Variants in RABGAP1L observed in about 807,000 individuals in gnomAD.
RABGAP1L encodes RAB GTPase activating protein 1 like, also known as rab GTPase-activating protein 1-like.
A neutral mutation model predicts 137.7 loss-of-function variants in RABGAP1L; 63 were observed. That is an observed-to-expected ratio of 0.46 (90% CI 0.37 to 0.56). RABGAP1L has a LOEUF of 0.56. RABGAP1L is among the 20% of genes least tolerant of loss of function. The probability of loss-of-function intolerance (pLI) is 0.00; values close to 1 mark genes in which losing one functional copy is unlikely to be tolerated. For missense variants in RABGAP1L, 1,095 were observed against 1,244.0 expected (o/e 0.88, Z 1.80); for synonymous variants, 431 against 433.7 (o/e 0.99, Z 0.08).
chr1:174,840,956 T>A (rs573223266), intron 19 of RABGAP1L, among the ~76,000 whole-genome samples: 1 of 151,868 alleles, frequency 6.6e-6, no homozygotes, highest in East Asian at 1.9e-4. Context: ...TTGAATTTAG[T>A]GGAAAAGTTT....
intron 13 of RABGAP1L, among the ~76,000 whole-genome samples, chr1:174,434,879 A>ACTC (rs1161854137): frequency 6.7e-6 from 1 of 150,240 alleles, no homozygotes; most frequent in African/African-American, 2.5e-5. Flanking sequence ...TTTGGATGCA[A>ACTC]CTCCTTTGTT....
At chr1:174,183,729 A>G (rs527665476) in intron 1 of RABGAP1L, among the ~76,000 whole-genome samples, 1 of 152,246 alleles carries the variant, frequency 6.6e-6, no homozygotes, top group Admixed American at 6.5e-5. Context: ...ATCATATGGA[A>G]TGGTTTCACT....
chr1:174,288,043 A>G (rs1676227091), intron 10 of RABGAP1L, among the ~76,000 whole-genome samples: 1 of 152,076 alleles, frequency 6.6e-6, no homozygotes, highest in Non-Finnish European at 1.5e-5. Context: ...AAATATAATT[A>G]TTACATGTTA....
chr1:174,775,333 G>T, intron 18 of RABGAP1L, among the ~76,000 whole-genome samples: 1 of 144,292 alleles, frequency 6.9e-6, no homozygotes, highest in Admixed American at 7.0e-5. Flanking sequence ...TTTTTTTTGA[G>T]ACTGAGTTTC....
At chr1:174,323,704 T>A (rs2148835631) in intron 11 of RABGAP1L, among the ~76,000 whole-genome samples, 1 of 152,256 alleles carries the variant, frequency 6.6e-6, no homozygotes, top group East Asian at 1.9e-4. Context: ...TAGATTATTT[T>A]AAATTATGTC....
intron 18 of RABGAP1L, among the ~76,000 whole-genome samples, chr1:174,754,445 A>G (rs892725078): frequency 3.9e-5 from 6 of 152,140 alleles, no homozygotes; most frequent in Admixed American, 1.3e-4. Flanking sequence ...TCAAAATTAA[A>G]AACTTTGGAG....
chr1:174,515,145 T>C (rs1662704348), intron 13 of RABGAP1L, among the ~76,000 whole-genome samples: 2 of 152,202 alleles, frequency 1.3e-5, no homozygotes, highest in South Asian at 4.1e-4. Context: ...CATGGTTTTG[T>C]ACAACAGATC....
chr1:174,583,439 A>G (rs906780649), intron 13 of RABGAP1L, among the ~76,000 whole-genome samples: 1 of 152,056 alleles, frequency 6.6e-6, no homozygotes, highest in Admixed American at 6.6e-5. Context: ...CTCCCCATAC[A>G]TATATGTATG....
At chr1:174,277,091 T>C (rs956470104) in intron 9 of RABGAP1L, among the ~76,000 whole-genome samples, 13 of 152,272 alleles carry the variant, frequency 8.5e-5, no homozygotes, top group Admixed American at 7.9e-4. Context: ...AATATGTTAA[T>C]GAAGGGCATT....
intron 3 of RABGAP1L, among the ~76,000 whole-genome samples, chr1:174,222,674 G>A (rs1669849863): frequency 1.3e-5 from 2 of 152,228 alleles, no homozygotes; most frequent in East Asian, 3.9e-4. Context: ...ATTGAAACAG[G>A]AGCAGTTAGG....
chr1:174,380,990 C>T (rs913794245), intron 12 of RABGAP1L, among the ~76,000 whole-genome samples: 3 of 110,440 alleles, frequency 2.7e-5, no homozygotes, highest in Non-Finnish European at 5.5e-5. Flanking sequence ...TATGTGGTGT[C>T]TTTGTTCTCG....
At chr1:174,310,029 CCAGTG>C (rs1678672213) in intron 11 of RABGAP1L, among the ~76,000 whole-genome samples, 1 of 134,894 alleles carries the variant, frequency 7.4e-6, no homozygotes, top group African/African-American at 3.9e-5. Flanking sequence ...TATTACTGAT[CCAGTG>C]TTATTACTCA....
chr1:174,457,024 T>C (rs1250024560), intron 13 of RABGAP1L, among the ~76,000 whole-genome samples: 2 of 152,194 alleles, frequency 1.3e-5, no homozygotes, highest in Admixed American at 6.5e-5. Flanking sequence ...TAAGAGTAAC[T>C]CATTGAATTG....
intron 14 of RABGAP1L, among the ~76,000 whole-genome samples, chr1:174,645,876 CCT>C (rs1674928590): frequency 6.6e-6 from 1 of 152,108 alleles, no homozygotes; most frequent in African/African-American, 2.4e-5. Context: ...TCTGTTGTTT[CCT>C]GACTTTTTAA....
intron 11 of RABGAP1L, among the ~76,000 whole-genome samples, chr1:174,325,464 A>G (rs540777204): frequency 7.2e-5 from 11 of 152,250 alleles, no homozygotes; most frequent in Non-Finnish European, 1.6e-4. Context: ...GAACCTGAAC[A>G]TGCAACCAAG....
chr1:174,191,611 C>A (rs1273397405), intron 1 of RABGAP1L, among the ~76,000 whole-genome samples: 1 of 152,198 alleles, frequency 6.6e-6, no homozygotes, highest in Non-Finnish European at 1.5e-5. Flanking sequence ...ATAGTAGCTG[C>A]TAATTAAACA....
intron 18 of RABGAP1L, among the ~76,000 whole-genome samples, chr1:174,782,273 G>T (rs1026708093): frequency 6.6e-6 from 1 of 152,036 alleles, no homozygotes; most frequent in Non-Finnish European, 1.5e-5. Context: ...CCTTGAAGAG[G>T]TCCTTCACAT....
chr1:174,690,829 C>CTTTTTTTTTT (rs572724291), intron 15 of RABGAP1L, among the ~76,000 whole-genome samples: 1 of 116,934 alleles, frequency 8.6e-6, no homozygotes, highest in Non-Finnish European at 1.7e-5. Context: ...CAGCATTCAT[C>CTTTTTTTTTT]TTTTTTTTTT....
chr1:174,222,830 A>G (rs1049414218), intron 3 of RABGAP1L, among the ~76,000 whole-genome samples: 2 of 152,192 alleles, frequency 1.3e-5, no homozygotes, highest in African/African-American at 4.8e-5. Flanking sequence ...GTGAATGGAT[A>G]AGCTATTAGA....
Sources: gnomAD v4.1 joint callset for allele counts (sites outside exome capture counted in the v4.1 genomes callset) on GRCh38, gnomAD v4.1.1 for gene constraint, MANE v1.5 for transcripts, NCBI Gene and HGNC (gene_info 2026-07-23, HGNC 2026-07-21) for gene names.